Variants in DNM3 observed in about 807,000 individuals in gnomAD.
DNM3 encodes the protein dynamin-3.
A neutral mutation model predicts 101.6 loss-of-function variants in DNM3; 47 were observed. That is an observed-to-expected ratio of 0.46 (90% CI 0.37 to 0.59). DNM3 has a LOEUF of 0.59. Among genes scored for constraint, DNM3 ranks in the 20% least tolerant of loss-of-function variants. DNM3 has a pLI of 0.00. For synonymous variants in DNM3, 385 were observed against 387.9 expected (o/e 0.99, Z 0.09); for missense variants, 849 against 1,085.7 (o/e 0.78, Z 3.06).
chr1:171,892,032 C>G (rs1571450550), intron 1 of DNM3, among the ~76,000 whole-genome samples: 1 of 152,144 alleles, frequency 6.6e-6, no homozygotes, highest in African/African-American at 2.4e-5. Flanking sequence ...TAATTTATAT[C>G]AGTATGGACT....
chr1:172,213,125 C>T (rs929313270), intron 14 of DNM3, among the ~76,000 whole-genome samples: 3 of 152,108 alleles, frequency 2.0e-5, no homozygotes, highest in Non-Finnish European at 4.4e-5. Context: ...CTGAACTCTT[C>T]CTCTGAACAA....
chr1:172,032,147 A>G lies in DNM3; in HGVS notation c.590-255A>G, dbSNP rs1222175898. Reference sequence around the variant, plus strand: ...ACAAAAATAAACTCTTATATTTCAAAATTATTTTTGTGCTATAGCTATTTG... The same window carrying G: ...ACAAAAATAAACTCTTATATTTCAAGATTATTTTTGTGCTATAGCTATTTG... On this transcript the variant is annotated intron_variant, in intron 4 of 20. Coordinates refer to ENST00000627582, the MANE Select transcript of DNM3 (RefSeq NM_015569.5). Among the ~76,000 whole-genome samples the G allele has an allele frequency of 2.0e-5, 3 of 152,202 alleles. No individual in the cohort carries two copies. In the East Asian group the frequency reaches 5.8e-4, roughly 29 times the overall value.
chr1:172,356,540 C>T (rs2067461004), intron 17 of DNM3, among the ~76,000 whole-genome samples: 1 of 151,922 alleles, frequency 6.6e-6, no homozygotes, highest in Non-Finnish European at 1.5e-5. Flanking sequence ...GAGCCATAGA[C>T]TCCTCAGAAT....
intron 14 of DNM3, among the ~76,000 whole-genome samples, chr1:172,203,852 T>A (rs1339636601): frequency 6.6e-6 from 1 of 152,166 alleles, no homozygotes; most frequent in East Asian, 1.9e-4. Flanking sequence ...GTTAAATTGG[T>A]TATTTATGTT....
chr1:172,363,611 G>T (rs1274611307), intron 17 of DNM3, among the ~76,000 whole-genome samples: 1 of 151,654 alleles, frequency 6.6e-6, no homozygotes, highest in Non-Finnish European at 1.5e-5. Context: ...CCTGCTTCCA[G>T]TCTCACTCTC....
chr1:172,088,524 A>G (rs1436107502), intron 12 of DNM3, among the ~76,000 whole-genome samples: 1 of 152,092 alleles, frequency 6.6e-6, no homozygotes, highest in East Asian at 1.9e-4. Context: ...ACTGGCCCCA[A>G]CGTACAGTTA....
intron 15 of DNM3, among the ~76,000 whole-genome samples, chr1:172,293,238 C>T (rs2064003806): frequency 6.6e-6 from 1 of 152,142 alleles, no homozygotes; most frequent in South Asian, 2.1e-4. Context: ...GAACAGCTGA[C>T]ATAGGTAAGG....
chr1:172,167,354 A>G (rs1157992833), intron 14 of DNM3, among the ~76,000 whole-genome samples: 2 of 152,008 alleles, frequency 1.3e-5, no homozygotes, highest in African/African-American at 4.8e-5. Flanking sequence ...AGTCTTTGCT[A>G]TTGTGAATAG....
intron 14 of DNM3, among the ~76,000 whole-genome samples, chr1:172,250,702 C>T (rs765672958): frequency 7.9e-5 from 12 of 152,026 alleles, no homozygotes; most frequent in Non-Finnish European, 1.3e-4. Flanking sequence ...CAAGAAAAGA[C>T]GATGGGTCAG....
intron 14 of DNM3, among the ~76,000 whole-genome samples, chr1:172,224,531 G>A (rs1234723280): frequency 1.3e-5 from 2 of 151,588 alleles, no homozygotes; most frequent in Admixed American, 1.3e-4. Flanking sequence ...TTGACCCGAG[G>A]GAAGCAAAAA....
At chr1:172,217,507 C>T (rs567836271) in intron 14 of DNM3, among the ~76,000 whole-genome samples, 1 of 148,512 alleles carries the variant, frequency 6.7e-6, no homozygotes, top group East Asian at 1.9e-4. Context: ...GCCTCTTTTC[C>T]ATTAGAGATG....
chr1:171,961,040 A>T (rs1183402365), intron 2 of DNM3, among the ~76,000 whole-genome samples: 1 of 152,196 alleles, frequency 6.6e-6, no homozygotes, highest in Non-Finnish European at 1.5e-5. Context: ...TCCAGGTCTC[A>T]GCTGAGTTTG....
intron 13 of DNM3, among the ~76,000 whole-genome samples, chr1:172,099,746 G>A (rs2054502135): frequency 6.6e-6 from 1 of 152,188 alleles, no homozygotes; most frequent in South Asian, 2.1e-4. Context: ...AAGTTTAAGA[G>A]TAAAGAGCAT....
At chr1:172,162,147 T>C (rs1419698190) in intron 14 of DNM3, among the ~76,000 whole-genome samples, 2 of 152,098 alleles carry the variant, frequency 1.3e-5, no homozygotes, top group African/African-American at 2.4e-5. Flanking sequence ...GTAGGAAACA[T>C]AGGAATATGT....
intron 4 of DNM3, among the ~76,000 whole-genome samples, chr1:172,012,313 G>A (rs1014919315): frequency 3.9e-5 from 6 of 151,988 alleles, no homozygotes; most frequent in Non-Finnish European, 7.4e-5. Context: ...GCACATGTGG[G>A]AAGTTATATG....
At chr1:172,075,996 G>T (rs1572397924) in intron 11 of DNM3, among the ~76,000 whole-genome samples, 2 of 152,194 alleles carry the variant, frequency 1.3e-5, no homozygotes, top group African/African-American at 4.8e-5. Context: ...TCCTTGAGCA[G>T]TGGTTTGTAG....
intron 7 of DNM3, 60 bp from the exon 8 acceptor site, chr1:172,041,949 A>T (rs150331581): frequency 8.5e-5 from 127 of 1,497,576 alleles, no homozygotes; most frequent in Non-Finnish European, 1.1e-4. Context: ...AGGAAAAGAA[A>T]ATGAAGAGTG....
intron 9 of DNM3, among the ~76,000 whole-genome samples, chr1:172,045,825 T>C (rs756837735): frequency 6.6e-6 from 1 of 152,234 alleles, no homozygotes. Flanking sequence ...AAGGGCCAAG[T>C]TGAGACTGTG....
At chr1:172,273,827 C>T (rs2063174245) in intron 15 of DNM3, among the ~76,000 whole-genome samples, 1 of 151,990 alleles carries the variant, frequency 6.6e-6, no homozygotes, top group African/African-American at 2.4e-5. Flanking sequence ...CTTGGGGACT[C>T]CTGAAAGAGT....
Sources: allele counts gnomAD v4.1 joint callset (sites outside exome capture counted in the v4.1 genomes callset), GRCh38; gene constraint gnomAD v4.1.1; transcripts MANE v1.5; gene names NCBI Gene and HGNC (gene_info 2026-07-23, HGNC 2026-07-21).